SYNE2: variants seen among roughly 807,000 people sequenced by gnomAD.
SYNE2 encodes nesprin-2.
A neutral mutation model predicts 856.3 loss-of-function variants in SYNE2; 431 were observed. That is an observed-to-expected ratio of 0.50 (90% CI 0.47 to 0.55). SYNE2 has a LOEUF of 0.55. Ranked by LOEUF, SYNE2 falls within the 20% of genes least tolerant of loss-of-function variation. SYNE2 has a pLI of 0.00. For synonymous variants in SYNE2, 2,923 were observed against 2,872.3 expected (o/e 1.02, Z -0.56); for missense variants, 8,129 against 8,023.2 (o/e 1.01, Z -0.50).
intron 1 of SYNE2, chr14:63,808,425 G>T (rs1160200622): frequency 6.6e-6 from 1 of 152,452 alleles, no homozygotes; most frequent in Non-Finnish European, 1.5e-5. Flanking sequence ...GGAGGTAGAG[G>T]TTGCAGTGAG....
At chr14:63,891,836 A>G (rs536396744) in intron 1 of SYNE2, among the ~76,000 whole-genome samples, 1 of 152,290 alleles carries the variant, frequency 6.6e-6, no homozygotes, top group East Asian at 1.9e-4. Flanking sequence ...CTCTGTTGAT[A>G]AAAGCACGTG....
At position 64,056,058 on chromosome 14, in the gene SYNE2, G is replaced by A. The variant is rs1223900445; in HGVS notation, c.9859G>A (p.Gly3287Ser). 6.2e-7 allele frequency: 1 copy of A among 1,614,148 alleles called. No individual in the cohort carries two copies. Among genetic ancestry groups the A allele is most frequent in the Admixed American group, 1.7e-5 (1 of 60,024 alleles). ...AIIIPYRVDV[G>S]NPEESLEMPL... The stretch of plus-strand genomic sequence containing the variant: ...CATTATACCCTACAGAGTAGATGTT[G>A]GTAATCCAGAAGAATCTTTAGAGAT... Residue 3287 changes from glycine (G) to serine (S), a missense_variant, in exon 49 of 116, where the codon GGT becomes AGT. By Grantham distance (56) the Gly-to-Ser change is moderately conservative (BLOSUM62 0). Coordinates refer to ENST00000555002, the MANE Select transcript of SYNE2 (RefSeq NM_182914.3).
intron 21 of SYNE2, among the ~76,000 whole-genome samples, chr14:63,993,223 C>T (rs1473514809): frequency 6.6e-6 from 1 of 152,050 alleles, no homozygotes; most frequent in African/African-American, 2.4e-5. Flanking sequence ...GTTAACCTTT[C>T]TATAAATTTT....
intron 1 of SYNE2, 107 bp from the exon 2 acceptor site, chr14:63,908,991 C>G (rs2095440924): frequency 1.5e-6 from 1 of 682,256 alleles, no homozygotes; most frequent in Admixed American, 2.0e-5. Context: ...GAAAGCCATA[C>G]TTGTTTTGGA....
intron 1 of SYNE2, among the ~76,000 whole-genome samples, chr14:63,822,867 G>T (rs1038921489): frequency 9.2e-5 from 14 of 152,168 alleles, no homozygotes; most frequent in Non-Finnish European, 7.3e-5. Flanking sequence ...ACATTGAGAG[G>T]CTGAGGCAGA....
chr14:63,767,217 T>G (rs142803223), intron 1 of SYNE2, among the ~76,000 whole-genome samples: 2,044 of 151,848 alleles, frequency 0.013, 21 homozygotes, highest in Non-Finnish European at 0.022. Context: ...GCAATTCTCC[T>G]GCCTTAGCCT....
Position 63,981,004 on chromosome 14 carries a change from T to C in SYNE2, c.1667T>C (p.Ile556Thr). The C allele has an allele frequency of 6.4e-7, 1 of 1,562,546 alleles. No homozygotes were observed. The highest frequency in any genetic ancestry group is 8.8e-7 in the Non-Finnish European group (1 of 1,137,640). ...YKNLAGECQN[I>T]NKQYMMVKSD... ...ATTGTAGCTGGAGAATGTCAGAATA[T>C]TAATAAACAGTATATGATGGTGAAA... Residue 556 changes from isoleucine to threonine, a missense_variant, in exon 16 of 116, where the codon ATT becomes ACT. By Grantham distance (89) the Ile-to-Thr change is moderately conservative. This residue lies in a region of SYNE2 where 2,422 missense variants were observed against 2,357.4 expected (regional missense o/e 1.03). Transcript: ENST00000555002.
intron 49 of SYNE2, among the ~76,000 whole-genome samples, chr14:64,057,372 T>C (rs1393318826): frequency 6.6e-6 from 1 of 152,178 alleles, no homozygotes; most frequent in Non-Finnish European, 1.5e-5. Context: ...GAATATGTGA[T>C]GTTTGTCTTT....
chr14:63,780,487 T>C (rs1365708803), intron 1 of SYNE2, among the ~76,000 whole-genome samples: 2 of 152,098 alleles, frequency 1.3e-5, no homozygotes, highest in Non-Finnish European at 2.9e-5. Context: ...TGAGCCGAGA[T>C]CATGCCACTG....
chr14:63,806,673 C>T (rs1888371706), intron 1 of SYNE2, among the ~76,000 whole-genome samples: 1 of 151,956 alleles, frequency 6.6e-6, no homozygotes, highest in South Asian at 2.1e-4. Flanking sequence ...CAAAGTTGTT[C>T]ATAATAGTTT....
intron 90 of SYNE2, among the ~76,000 whole-genome samples, chr14:64,165,756 C>T (rs3866742): frequency 0.18 from 26,755 of 151,834 alleles, 2,582 homozygotes; most frequent in Middle Eastern, 0.27. Context: ...TCAGGTGATC[C>T]GCCTGCCTCG....
Position 64,158,714 on chromosome 14 carries a change from C to A in SYNE2, c.15882C>A (p.Ile5294=). The A allele has an allele frequency of 6.2e-7, 1 of 1,613,906 alleles. No homozygotes were observed. Among genetic ancestry groups the A allele is most frequent in the Non-Finnish European group, 8.5e-7 (1 of 1,179,904 alleles). The change falls in exon 86 of 116, where the codon ATC becomes ATA. Residue 5294 remains isoleucine (I), a synonymous_variant. Coordinates refer to ENST00000555002, the MANE Select transcript of SYNE2 (RefSeq NM_182914.3). ...ATGATGAAGTGAATATGATGACAATCCGATTCTGGTACTGCATGGAACACA... is the reference window on the plus strand; with the variant it reads ...ATGATGAAGTGAATATGATGACAATACGATTCTGGTACTGCATGGAACACA... ...QLYDEVNMMT[I]RFWYCMEHSK...
At chr14:64,218,626 A>C in intron 109 of SYNE2, 114 bp downstream of exon 109, 1 of 979,444 alleles carries the variant, frequency 1.0e-6, no homozygotes, top group East Asian at 2.6e-5. Context: ...GAACTGGGGG[A>C]CTTACCCTAC....
In SYNE2 at chr14:63,908,471, C is replaced by T. The variant is rs1346329596; in HGVS notation, c.-51-627C>T. 3.3e-5 allele frequency among the ~76,000 whole-genome samples: 5 copies of T among 152,058 alleles called. No individual in the cohort carries two copies. The Admixed American group carries it at 3.3e-4, about 10-fold the overall frequency. ...TTAAAGAGGTATGAAGTAAAAACTGCTCTCACTGGAAGGATTCTTTAAGAA... is the reference window on the plus strand; with the variant it reads ...TTAAAGAGGTATGAAGTAAAAACTGTTCTCACTGGAAGGATTCTTTAAGAA... On this transcript the variant is annotated intron_variant, in intron 1 of 115. Transcript: ENST00000555002.
intron 112 of SYNE2, among the ~76,000 whole-genome samples, chr14:64,222,662 G>A (rs1419980523): frequency 6.6e-6 from 1 of 152,176 alleles, no homozygotes; most frequent in African/African-American, 2.4e-5. Flanking sequence ...GGAGGCGGAG[G>A]TTGCAGTGAG....
intron 6 of SYNE2, among the ~76,000 whole-genome samples, chr14:63,947,950 A>G (rs528468320): frequency 6.6e-6 from 1 of 152,262 alleles, no homozygotes; most frequent in South Asian, 2.1e-4. Flanking sequence ...CAAATGACCT[A>G]TTTTGTTTCA....
At chr14:64,133,732 T>C (rs1462985939) in intron 77 of SYNE2, among the ~76,000 whole-genome samples, 1 of 152,222 alleles carries the variant, frequency 6.6e-6, no homozygotes, top group African/African-American at 2.4e-5. Flanking sequence ...AAAGGCTCTC[T>C]TGTGGCTCCA....
At chr14:63,957,977 G>A (rs1468958527) in intron 8 of SYNE2, among the ~76,000 whole-genome samples, 1 of 152,066 alleles carries the variant, frequency 6.6e-6, no homozygotes, top group Non-Finnish European at 1.5e-5. Context: ...GGGAGGTGGA[G>A]GTTGCAGTGA....
chr14:63,921,964 G>A (rs2095605843), intron 2 of SYNE2, among the ~76,000 whole-genome samples: 1 of 152,148 alleles, frequency 6.6e-6, no homozygotes, highest in Admixed American at 6.5e-5. Context: ...GAGATCCAGA[G>A]CATATTATCC....
Sources: gnomAD v4.1 joint callset for allele counts (sites outside exome capture counted in the v4.1 genomes callset) on GRCh38, gnomAD v4.1.1 for gene constraint, gnomAD v4.1.1 regional missense constraint, MANE v1.5 for transcripts, NCBI Gene and HGNC (gene_info 2026-07-23, HGNC 2026-07-21) for gene names.